DMD: variants seen among roughly 807,000 people sequenced by gnomAD.
DMD encodes mutant dystrophin.
DMD carries 63 observed loss-of-function variants against 330.1 expected under a neutral mutation model. The ratio of observed to expected loss-of-function variants is 0.19; its 90% CI spans 0.16 to 0.24. The LOEUF (loss-of-function observed/expected upper bound fraction) is 0.24, where lower values mean the gene tolerates loss of function less well. Ranked by LOEUF, DMD falls within the 10% of genes least tolerant of loss-of-function variation. DMD has a pLI of 1.00. For missense variants in DMD, 3,344 were observed against 2,684.1 expected (o/e 1.25, Z -5.43); for synonymous variants, 1,223 against 959.8 (o/e 1.27, Z -5.07).
At chrX:31,331,990 A>T (rs2057151906) in intron 61 of DMD, among the ~76,000 whole-genome samples, 1 of 112,225 alleles carries the variant, frequency 8.9e-6, no homozygotes, top group African/African-American at 3.2e-5. Context: ...GAGAGATTGA[A>T]TTTGGGGCCC....
rs759320828 is a variant in DMD at position 32,983,163 on chromosome X, G to A, written c.93+36976C>T. 2.7e-5 allele frequency among the ~76,000 whole-genome samples: 3 copies of A among 110,949 alleles called. No homozygotes were observed. In the South Asian group the frequency reaches 1.2e-3, roughly 43 times the overall value. On this transcript the variant is annotated intron_variant, in intron 2 of 78. Coordinates refer to ENST00000357033, the MANE Select transcript of DMD (RefSeq NM_004006.3). ...ATGGACCTGAATAAATATATTTACT[G>A]AAGTAACCCTTATCTTTCACTAGTT... is the stretch of plus-strand genomic sequence containing the variant.
chrX:32,555,677 C>A (rs766002300), intron 16 of DMD, among the ~76,000 whole-genome samples: 32 of 111,292 alleles, frequency 2.9e-4, no homozygotes, highest in African/African-American at 9.8e-4. Context: ...TAAGACCACG[C>A]ACCTACAACC....
At chrX:33,080,286 T>A (rs1329740358) in intron 1 of DMD, among the ~76,000 whole-genome samples, 1 of 111,782 alleles carries the variant, frequency 8.9e-6, no homozygotes, top group Non-Finnish European at 1.9e-5. Context: ...CCACAGAATT[T>A]TTTTTTTCAG....
intron 1 of DMD, among the ~76,000 whole-genome samples, chrX:33,088,133 A>G (rs1193038637): frequency 9.0e-6 from 1 of 110,657 alleles, no homozygotes; most frequent in African/African-American, 3.3e-5. Context: ...GCTCACTGCA[A>G]CCTTTACCTC....
chrX:32,177,567 C>T (rs1022795358), intron 44 of DMD, among the ~76,000 whole-genome samples: 6 of 111,160 alleles, frequency 5.4e-5, no homozygotes, highest in African/African-American at 1.6e-4. Flanking sequence ...TTTGGTGACC[C>T]AGATACTAAT....
At chrX:31,809,269 T>C (rs1045605185) in intron 50 of DMD, among the ~76,000 whole-genome samples, 27 of 107,092 alleles carry the variant, frequency 2.5e-4, no homozygotes, top group Non-Finnish European at 4.0e-4. Context: ...TATATAACCA[T>C]ATATAGTGAC....
At chrX:32,733,103 G>T (rs1317656088) in intron 7 of DMD, among the ~76,000 whole-genome samples, 2 of 107,257 alleles carry the variant, frequency 1.9e-5, no homozygotes, top group African/African-American at 7.0e-5. Context: ...AAAAGGCAGG[G>T]GTTGCAATCC....
At chrX:31,645,753 A>G (rs2080055786) in intron 54 of DMD, among the ~76,000 whole-genome samples, 1 of 112,058 alleles carries the variant, frequency 8.9e-6, no homozygotes, top group Non-Finnish European at 1.9e-5. Context: ...TTTAGAAGGG[A>G]TGCATACTGT....
chrX:32,177,063 A>G (rs779109658), intron 44 of DMD, among the ~76,000 whole-genome samples: 28 of 111,475 alleles, frequency 2.5e-4, no homozygotes, highest in African/African-American at 8.8e-4. Context: ...CAACTCTGCA[A>G]TCGTTCAACT....
intron 64 of DMD, among the ~76,000 whole-genome samples, chrX:31,219,353 C>G (rs183375135): frequency 9.9e-5 from 11 of 111,305 alleles, no homozygotes; most frequent in African/African-American, 3.6e-4. Context: ...CAGATTGGAG[C>G]TACCGTGAAA....
intron 51 of DMD, among the ~76,000 whole-genome samples, chrX:31,760,728 T>C (rs1243564841): frequency 1.8e-5 from 2 of 111,796 alleles, no homozygotes; most frequent in Non-Finnish European, 3.8e-5. Flanking sequence ...TGTGAAATCA[T>C]GTCCAGAATC....
intron 7 of DMD, among the ~76,000 whole-genome samples, chrX:32,787,855 T>C (rs773941517): frequency 9.0e-6 from 1 of 110,802 alleles, no homozygotes; most frequent in Admixed American, 9.7e-5. Context: ...ACTGGAAAGA[T>C]CAGTTTTCCC....
At chrX:31,731,213 C>T (rs2149027642) in intron 51 of DMD, among the ~76,000 whole-genome samples, 1 of 112,029 alleles carries the variant, frequency 8.9e-6, no homozygotes, top group Non-Finnish European at 1.9e-5. Context: ...AGGTTTCTAA[C>T]TTTTATGGTT....
intron 1 of DMD, among the ~76,000 whole-genome samples, chrX:33,139,858 G>T (rs1172746003): frequency 2.4e-5 from 2 of 81,785 alleles, no homozygotes; most frequent in Admixed American, 1.5e-4. Flanking sequence ...GACTAATACA[G>T]CCCCATCGCT....
intron 1 of DMD, among the ~76,000 whole-genome samples, chrX:33,245,845 T>C (rs1311464538): frequency 1.8e-5 from 2 of 112,006 alleles, no homozygotes; most frequent in Non-Finnish European, 3.8e-5. Context: ...TGAATAACAA[T>C]ATGATCTATG....
intron 1 of DMD, among the ~76,000 whole-genome samples, chrX:33,089,574 T>C (rs771333246): frequency 3.6e-5 from 4 of 110,706 alleles, no homozygotes; most frequent in African/African-American, 6.6e-5. Context: ...GGAGATACAA[T>C]GTGACTCTCG....
At position 32,948,532 on chromosome X, in the gene DMD, T is replaced by C. The variant is rs192275736; in HGVS notation, c.93+71607A>G. On this transcript the variant is annotated intron_variant, in intron 2 of 78. Transcript: ENST00000357033. ...AGTGAGCAGGAAATCTGGAATATTG[T>C]AGGTGTTTTACATGCTCATTCTTTC... Among the ~76,000 whole-genome samples, 6 of 112,110 alleles carry C rather than the reference T, an allele frequency of 5.4e-5. No homozygotes were observed. In the East Asian group the frequency reaches 1.7e-3, roughly 32 times the overall value.
intron 44 of DMD, among the ~76,000 whole-genome samples, chrX:32,013,543 T>C (rs2095734581): frequency 8.9e-6 from 1 of 112,310 alleles, no homozygotes. Context: ...TACATTTTTG[T>C]ATACCCCACA....
chrX:31,182,940 A>C (rs1439590119), intron 67 of DMD, 36 bp from the exon 68 acceptor site: 1 of 1,141,826 alleles, frequency 8.8e-7, no homozygotes, highest in African/African-American at 1.8e-5. Flanking sequence ...GGAGGGCAAA[A>C]GGATGAAAGG....
Sources: gnomAD v4.1 joint callset for allele counts (sites outside exome capture counted in the v4.1 genomes callset) on GRCh38, gnomAD v4.1.1 for gene constraint, MANE v1.5 for transcripts, NCBI Gene and HGNC (gene_info 2026-07-23, HGNC 2026-07-21) for gene names.